RBFOX1: variants seen among roughly 807,000 people sequenced by gnomAD.
The protein encoded by RBFOX1 is RNA binding fox-1 homolog 1.
A neutral mutation model predicts 57.7 loss-of-function variants in RBFOX1; 8 were observed. That is an observed-to-expected ratio of 0.14 (90% CI 0.08 to 0.25). The LOEUF is 0.25. Ranked by LOEUF, RBFOX1 falls within the 10% of genes least tolerant of loss-of-function variation. The pLI, the probability that RBFOX1 is intolerant of heterozygous loss-of-function variation, is 1.00. For synonymous variants in RBFOX1, 326 were observed against 222.4 expected, an observed-to-expected ratio of 1.47 and a Z score of -4.15; for missense variants, 611 against 548.5, an observed-to-expected ratio of 1.11 and a Z score of -1.14.
At chr16:7,190,924 C>T (rs2085218948) in intron 4 of RBFOX1, among the ~76,000 whole-genome samples, 1 of 152,004 alleles carries the variant, frequency 6.6e-6, no homozygotes, top group South Asian at 2.1e-4. Flanking sequence ...TTTACAAAGA[C>T]CTTTTTTTTT....
intron 4 of RBFOX1, among the ~76,000 whole-genome samples, chr16:7,388,228 T>C (rs1158831138): frequency 1.3e-5 from 2 of 152,064 alleles, no homozygotes; most frequent in Admixed American, 1.3e-4. Flanking sequence ...ACACACAAGG[T>C]TGGTGTGATG....
chr16:7,438,472 A>G (rs1598420540), intron 4 of RBFOX1, among the ~76,000 whole-genome samples: 1 of 152,104 alleles, frequency 6.6e-6, no homozygotes, highest in Non-Finnish European at 1.5e-5. Context: ...AGATGGCGGG[A>G]CAATAACTGC....
chr16:7,182,195 A>AT (rs987281639), intron 4 of RBFOX1, among the ~76,000 whole-genome samples: 10 of 152,056 alleles, frequency 6.6e-5, no homozygotes, highest in Non-Finnish European at 1.2e-4. Flanking sequence ...GACTTTGGAG[A>AT]TTTTTTCAGA....
chr16:6,945,217 C>T (rs185579838), intron 3 of RBFOX1, among the ~76,000 whole-genome samples: 11 of 152,224 alleles, frequency 7.2e-5, no homozygotes, highest in African/African-American at 2.4e-4. Context: ...CAGCAAAGTT[C>T]CAGCTCAGCC....
intron 4 of RBFOX1, among the ~76,000 whole-genome samples, chr16:7,404,793 T>C (rs2098309496): frequency 1.3e-5 from 2 of 152,292 alleles, no homozygotes; most frequent in South Asian, 4.1e-4. Flanking sequence ...GAATGCACAA[T>C]AGGTTATCAT....
chr16:6,537,198 C>G (rs1433285022), intron 2 of RBFOX1, among the ~76,000 whole-genome samples: 1 of 152,024 alleles, frequency 6.6e-6, no homozygotes, highest in Admixed American at 6.6e-5. Context: ...CTGGGTGGAG[C>G]CTGAGATTCG....
rs532453923 is a variant in RBFOX1, at chr16:7,406,365, C to T, written c.28-111782C>T. On this transcript the variant is annotated intron_variant, in intron 4 of 15. Transcript: ENST00000550418. ...CGTTATAGAAGAGTAAACCGAGGCC[C>T]AGAGCTCTTGCTTTCCTTGTTCAGA... Among the ~76,000 whole-genome samples, 103 of 152,296 alleles carry T rather than the reference C, an allele frequency of 6.8e-4. 1 individual carries two copies. The South Asian group carries it at 0.02, about 30-fold the overall frequency.
At chr16:6,917,106 C>T (rs568613394) in intron 3 of RBFOX1, among the ~76,000 whole-genome samples, 1 of 152,218 alleles carries the variant, frequency 6.6e-6, no homozygotes, top group Non-Finnish European at 1.5e-5. Flanking sequence ...CTGCCTTGGC[C>T]TCCCAGAGTG....
At chr16:5,294,084 C>T (rs555275001) in intron 1 of RBFOX1, among the ~76,000 whole-genome samples, 1 of 152,128 alleles carries the variant, frequency 6.6e-6, no homozygotes, top group African/African-American at 2.4e-5. Flanking sequence ...CAAAAATTAG[C>T]TAGGCGTGGT....
At chr16:7,703,480 A>C (rs1435678225) in intron 14 of RBFOX1, among the ~76,000 whole-genome samples, 1 of 152,200 alleles carries the variant, frequency 6.6e-6, no homozygotes, top group Non-Finnish European at 1.5e-5. Context: ...GGGAGATGAT[A>C]CTAATGGAAG....
intron 4 of RBFOX1, among the ~76,000 whole-genome samples, chr16:5,984,542 T>C (rs1421775843): frequency 6.6e-6 from 1 of 152,112 alleles, no homozygotes; most frequent in African/African-American, 2.4e-5. Context: ...CAGGAATTAC[T>C]TACCTAACCC....
intron 1 of RBFOX1, among the ~76,000 whole-genome samples, chr16:5,436,624 G>T (rs2067925961): frequency 6.6e-6 from 1 of 152,120 alleles, no homozygotes; most frequent in Admixed American, 6.5e-5. Context: ...GGTCACTTCA[G>T]GTCAGGAGTT....
At chr16:6,662,137 T>TG (rs1223828980) in intron 3 of RBFOX1, among the ~76,000 whole-genome samples, 3 of 70,920 alleles carry the variant, frequency 4.2e-5, no homozygotes, top group African/African-American at 1.4e-4. Context: ...GGGGGCGGGG[T>TG]GAAAAAAAAG....
intron 3 of RBFOX1, among the ~76,000 whole-genome samples, chr16:6,733,788 A>T (rs1229219879): frequency 6.6e-6 from 1 of 152,162 alleles, no homozygotes; most frequent in African/African-American, 2.4e-5. Context: ...GAAATCTGAC[A>T]AAGCTGGGTT....
chr16:5,518,347 A>C (rs945317983), intron 2 of RBFOX1, among the ~76,000 whole-genome samples: 2 of 133,300 alleles, frequency 1.5e-5, no homozygotes, highest in African/African-American at 5.5e-5. Context: ...TCAATCTCCA[A>C]AGTGACATTT....
intron 4 of RBFOX1, among the ~76,000 whole-genome samples, chr16:7,416,431 C>T (rs905823294): frequency 6.6e-6 from 1 of 152,214 alleles, no homozygotes; most frequent in African/African-American, 2.4e-5. Context: ...CTGGGAGTCA[C>T]CCCCAACCTC....
chr16:6,013,197 G>A (rs550548988), intron 4 of RBFOX1, among the ~76,000 whole-genome samples: 7 of 152,210 alleles, frequency 4.6e-5, no homozygotes, highest in African/African-American at 1.4e-4. Flanking sequence ...CATGAGCTCC[G>A]TTCTGTTATT....
At chr16:7,336,458 G>C (rs1184735530) in intron 4 of RBFOX1, among the ~76,000 whole-genome samples, 1 of 152,306 alleles carries the variant, frequency 6.6e-6, no homozygotes, top group African/African-American at 2.4e-5. Context: ...CTGGATGGTT[G>C]ATGGTGTAAA....
intron 4 of RBFOX1, among the ~76,000 whole-genome samples, chr16:7,242,398 G>C (rs986444739): frequency 6.6e-6 from 1 of 152,178 alleles, no homozygotes; most frequent in Non-Finnish European, 1.5e-5. Context: ...GCTTGGGCAA[G>C]AAACTAGATC....
Sources: gnomAD v4.1 joint callset for allele counts (sites outside exome capture counted in the v4.1 genomes callset) on GRCh38, gnomAD v4.1.1 for gene constraint, MANE v1.5 for transcripts, NCBI Gene and HGNC (gene_info 2026-07-23, HGNC 2026-07-21) for gene names.